Variants in HCN1 observed in about 807,000 individuals in gnomAD.
HCN1 encodes the protein hyperpolarization activated cyclic nucleotide gated potassium channel 1, also known as potassium/sodium hyperpolarization-activated cyclic nucleotide-gated channel 1.
Under a neutral mutation model 78.9 loss-of-function variants are expected in HCN1, and 13 were observed. The ratio of observed to expected loss-of-function variants is 0.16; its 90% CI spans 0.11 to 0.26. The LOEUF is 0.26. Among genes scored for constraint, HCN1 ranks in the 10% least tolerant of loss-of-function variants. The pLI, the probability that HCN1 is intolerant of heterozygous loss-of-function variation, is 1.00. For synonymous variants in HCN1, 552 were observed against 455.5 expected (o/e 1.21, Z -2.70); for missense variants, 810 against 1,154.3 (o/e 0.70, Z 4.32).
intron 2 of HCN1, among the ~76,000 whole-genome samples, chr5:45,536,999 G>A (rs1742979727): frequency 6.6e-6 from 1 of 152,114 alleles, no homozygotes; most frequent in Non-Finnish European, 1.5e-5. Flanking sequence ...GAAGTTTTAG[G>A]GAGATTTTGT....
intron 1 of HCN1, among the ~76,000 whole-genome samples, chr5:45,684,471 T>C (rs184936359): frequency 6.6e-6 from 1 of 152,356 alleles, no homozygotes; most frequent in African/African-American, 2.4e-5. Flanking sequence ...ATCAAATTTA[T>C]TGTTTAGAAA....
rs1228589893 is a variant in HCN1, at chr5:45,255,645, T to G, written c.*6276A>C. On this transcript the variant is annotated 3_prime_UTR_variant, in exon 8 of 8. Coordinates refer to ENST00000303230, the MANE Select transcript of HCN1 (RefSeq NM_021072.4). ...TAGGCAAACAAGATTTAATTTTGAA[T>G]GCTTGGAAACTAAGACCTTGAACAA... 2 of 152,226 alleles carry G rather than the reference T, an allele frequency of 1.3e-5. No homozygotes were observed. Among genetic ancestry groups the G allele is most frequent in the African/African-American group, 4.8e-5 (2 of 41,460 alleles). The allele number at this position is 152,226 out of a possible 1,614,324, so 9.4% of individuals were successfully genotyped here.
chr5:45,339,072 G>C (rs1027002063), intron 5 of HCN1, among the ~76,000 whole-genome samples: 3 of 152,140 alleles, frequency 2.0e-5, no homozygotes, highest in Non-Finnish European at 4.4e-5. Flanking sequence ...AGCATTTCAT[G>C]CTTCCACTTC....
At chr5:45,571,475 A>G (rs1743833378) in intron 2 of HCN1, among the ~76,000 whole-genome samples, 1 of 152,170 alleles carries the variant, frequency 6.6e-6, no homozygotes, top group South Asian at 2.1e-4. Flanking sequence ...AAACGCCAAA[A>G]TAGACAAGCT....
intron 2 of HCN1, among the ~76,000 whole-genome samples, chr5:45,473,415 T>C (rs1741447222): frequency 6.6e-6 from 1 of 151,914 alleles, no homozygotes; most frequent in Non-Finnish European, 1.5e-5. Flanking sequence ...CTTACCTCAA[T>C]CATGAGAATA....
chr5:45,640,878 T>G (rs565567284), intron 2 of HCN1, among the ~76,000 whole-genome samples: 1 of 148,252 alleles, frequency 6.7e-6, no homozygotes, highest in Admixed American at 6.7e-5. Context: ...AAAAAAAGCC[T>G]TTCCAAATCG....
Position 45,303,847 on chromosome 5 carries a change from T to A in HCN1, c.1378-8A>T. ...GTTGAAGTTGACTATCTCCTAAAGATGTCAAGAGTAAACAAATATTAAGAG... is the reference window on the plus strand; with the variant it reads ...GTTGAAGTTGACTATCTCCTAAAGAAGTCAAGAGTAAACAAATATTAAGAG... On this transcript the variant is annotated splice_polypyrimidine_tract_variant and splice_region_variant and intron_variant, in intron 5 of 7. Transcript: ENST00000303230. 1 of 1,610,222 alleles carries A rather than the reference T, an allele frequency of 6.2e-7. No homozygotes were observed. Among genetic ancestry groups the A allele is most frequent in the African/African-American group, 1.3e-5 (1 of 74,908 alleles).
chr5:45,527,418 C>T (rs910760071), intron 2 of HCN1, among the ~76,000 whole-genome samples: 2 of 147,214 alleles, frequency 1.4e-5, no homozygotes, highest in African/African-American at 5.0e-5. Flanking sequence ...ATCTTATTTC[C>T]TCCAATTTGC....
At chr5:45,594,062 C>T (rs1285709479) in intron 2 of HCN1, among the ~76,000 whole-genome samples, 2 of 152,126 alleles carry the variant, frequency 1.3e-5, no homozygotes, top group Non-Finnish European at 2.9e-5. Flanking sequence ...ACTTGCAGAC[C>T]TCTTAAGGGA....
intron 1 of HCN1, 61 bp downstream of exon 1, chr5:45,695,608 G>C (rs1429787900): frequency 5.6e-5 from 86 of 1,543,092 alleles, no homozygotes; most frequent in Admixed American, 1.8e-5. Context: ...ACCCAAGGGC[G>C]GGGAAGCGCG....
At chr5:45,284,711 TG>T (rs1243046501) in intron 6 of HCN1, among the ~76,000 whole-genome samples, 1 of 152,128 alleles carries the variant, frequency 6.6e-6, no homozygotes, top group African/African-American at 2.4e-5. Flanking sequence ...CATATTTAAT[TG>T]TTGTGTAAAT....
At chr5:45,659,180 C>G (rs1181090370) in intron 1 of HCN1, among the ~76,000 whole-genome samples, 1 of 149,380 alleles carries the variant, frequency 6.7e-6, no homozygotes, top group South Asian at 2.1e-4. Flanking sequence ...GGAGGCACCC[C>G]CCAGCAGGGG....
intron 5 of HCN1, among the ~76,000 whole-genome samples, chr5:45,322,418 T>A (rs1746143047): frequency 6.6e-6 from 1 of 151,800 alleles, no homozygotes; most frequent in Non-Finnish European, 1.5e-5. Flanking sequence ...TCTCATGTAA[T>A]TATAACAACA....
chr5:45,310,800 T>A (rs1241633881), intron 5 of HCN1, among the ~76,000 whole-genome samples: 1 of 152,108 alleles, frequency 6.6e-6, no homozygotes, highest in Non-Finnish European at 1.5e-5. Context: ...AAAGAACATG[T>A]GGTAAATATA....
chr5:45,483,410 G>T (rs2337412), intron 2 of HCN1, among the ~76,000 whole-genome samples: 76,179 of 151,940 alleles, frequency 0.5, 20,526 homozygotes, highest in African/African-American at 0.7. Flanking sequence ...GTGTGTTGGC[G>T]ACTTGTACAT....
At chr5:45,353,309 A>C in intron 4 of HCN1, 63 bp from the exon 5 acceptor site, 1 of 1,283,266 alleles carries the variant, frequency 7.8e-7, no homozygotes, top group Non-Finnish European at 1.1e-6. Context: ...AAATCATATT[A>C]TTTTGTTTTG....
intron 2 of HCN1, among the ~76,000 whole-genome samples, chr5:45,519,258 T>C (rs1742570804): frequency 6.6e-6 from 1 of 152,012 alleles, no homozygotes; most frequent in Admixed American, 6.6e-5. Context: ...CACAGACCAC[T>C]ACAATGAGAA....
intron 5 of HCN1, among the ~76,000 whole-genome samples, chr5:45,335,213 G>T (rs749350324): frequency 3.3e-5 from 5 of 151,958 alleles, no homozygotes; most frequent in Non-Finnish European, 7.4e-5. Context: ...AGTTAAGTTT[G>T]CCATTTTGCT....
rs559935374 is a variant in HCN1, at chr5:45,568,496, C to T, written c.849+76689G>A. On this transcript the variant is annotated intron_variant, in intron 2 of 7. Coordinates refer to ENST00000303230, the MANE Select transcript of HCN1 (RefSeq NM_021072.4). The stretch of plus-strand genomic sequence containing the variant: ...GTTTCTTCATCATTTAATGGGCATA[C>T]TAACAGTGTTTAACTCAGTTATTGT... Among the ~76,000 whole-genome samples the T allele has an allele frequency of 4.4e-3, 675 of 152,140 alleles. 7 individuals are homozygous for T. Among genetic ancestry groups the T allele is most frequent in the Middle Eastern group, 6.8e-3 (2 of 294 alleles).
Sources: gnomAD v4.1 joint callset for allele counts (sites outside exome capture counted in the v4.1 genomes callset) on GRCh38, gnomAD v4.1.1 for gene constraint, MANE v1.5 for transcripts, NCBI Gene and HGNC (gene_info 2026-07-23, HGNC 2026-07-21) for gene names.